REDIC1: variants seen among roughly 807,000 people sequenced by gnomAD.
The protein encoded by REDIC1 is HEI10 Interacting Protein 1.
the REDIC1 span, among the ~76,000 whole-genome samples, chr12:39,895,513 A>T: frequency 7.1e-3 from 24 of 3,396 alleles, 3 homozygotes; most frequent in African/African-American, 0.021. Context: ...AAAAAAAAAA[A>T]TTATATATAT....
the REDIC1 span, chr12:39,864,683 T>C: frequency 1.3e-6 from 2 of 1,566,730 alleles, no homozygotes; most frequent in Non-Finnish European, 1.7e-6. Flanking sequence ...TACTCATCTC[T>C]ACAACTTTAA....
At chr12:39,831,376 C>G in the REDIC1 span, among the ~76,000 whole-genome samples, 1 of 152,040 alleles carries the variant, frequency 6.6e-6, no homozygotes, top group Non-Finnish European at 1.5e-5. Flanking sequence ...AAAGATCAGT[C>G]AGCACAGACT....
the REDIC1 span, among the ~76,000 whole-genome samples, chr12:39,709,590 G>A: frequency 2.5e-3 from 370 of 150,942 alleles, 1 homozygote; most frequent in African/African-American, 8.2e-3. Context: ...GAAATCATGT[G>A]GTATTTGTCT....
the REDIC1 span, among the ~76,000 whole-genome samples, chr12:39,783,881 A>C: frequency 6.6e-6 from 1 of 152,330 alleles, no homozygotes; most frequent in East Asian, 1.9e-4. Flanking sequence ...GAAAAGTCTC[A>C]GGATACAAAA....
the REDIC1 span, among the ~76,000 whole-genome samples, chr12:39,713,177 A>G: frequency 9.3e-4 from 140 of 150,050 alleles, no homozygotes; most frequent in African/African-American, 3.0e-3. Context: ...ATATATGTGC[A>G]TATACCCATG....
At chr12:39,771,317 T>TTAAG in the REDIC1 span, among the ~76,000 whole-genome samples, 1 of 152,122 alleles carries the variant, frequency 6.6e-6, no homozygotes, top group African/African-American at 2.4e-5. Flanking sequence ...ACATATGTGA[T>TTAAG]TAAGTAAGTA....
chr12:39,775,855 G>T, the REDIC1 span, among the ~76,000 whole-genome samples: 1 of 152,168 alleles, frequency 6.6e-6, no homozygotes, highest in African/African-American at 2.4e-5. Context: ...TCAGATTTCA[G>T]ATTTTGGAAT....
At chr12:39,713,361 C>G in the REDIC1 span, among the ~76,000 whole-genome samples, 10 of 136,550 alleles carry the variant, frequency 7.3e-5, no homozygotes, top group African/African-American at 2.2e-4. Context: ...TACACATATA[C>G]GTGTATACAC....
chr12:39,655,917 T>TG, the REDIC1 span, among the ~76,000 whole-genome samples: 1 of 152,196 alleles, frequency 6.6e-6, no homozygotes, highest in African/African-American at 2.4e-5. Flanking sequence ...CATTGCATTT[T>TG]GGGGGAGAGT....
chr12:39,784,353 C>G, the REDIC1 span, among the ~76,000 whole-genome samples: 5 of 152,298 alleles, frequency 3.3e-5, no homozygotes, highest in African/African-American at 9.6e-5. Context: ...ACCAAAACAG[C>G]ATGGTACTGG....
chr12:39,672,187 G>A, the REDIC1 span, among the ~76,000 whole-genome samples: 1 of 152,158 alleles, frequency 6.6e-6, no homozygotes, highest in East Asian at 1.9e-4. Flanking sequence ...GGGGCCTCAA[G>A]CATCATGCTT....
the REDIC1 span, among the ~76,000 whole-genome samples, chr12:39,712,115 T>C: frequency 2.1e-5 from 3 of 142,682 alleles, no homozygotes; most frequent in Non-Finnish European, 4.6e-5. Context: ...TATATATACC[T>C]GTATATATAC....
At chr12:39,818,781 C>A in the REDIC1 span, among the ~76,000 whole-genome samples, 260 of 152,210 alleles carry the variant, frequency 1.7e-3, 3 homozygotes, top group African/African-American at 6.0e-3. Context: ...ATAACAACTA[C>A]AGTTTGAAGG....
the REDIC1 span, among the ~76,000 whole-genome samples, chr12:39,776,703 T>A: frequency 5.3e-5 from 8 of 149,958 alleles, no homozygotes; most frequent in African/African-American, 2.0e-4. Context: ...TAGATTTCCA[T>A]GAGGTAGGGA....
the REDIC1 span, chr12:39,716,681 A>G: frequency 9.4e-7 from 1 of 1,068,868 alleles, no homozygotes; most frequent in Non-Finnish European, 1.4e-6. Flanking sequence ...ACCAGCAGAT[A>G]TCTTCTGCCT....
the REDIC1 span, chr12:39,640,878 C>A: frequency 1.0e-6 from 1 of 980,216 alleles, no homozygotes; most frequent in Non-Finnish European, 1.6e-6. Context: ...TCTAAATCTT[C>A]AATTAAGCTA....
chr12:39,714,073 G>GTATATATATATGTACA, the REDIC1 span, among the ~76,000 whole-genome samples: 3 of 147,818 alleles, frequency 2.0e-5, no homozygotes, highest in Non-Finnish European at 3.0e-5. Flanking sequence ...GTGTATATAC[G>GTATATATATATGTACA]TGTATATACA....
chr12:39,828,298 G>A, the REDIC1 span, among the ~76,000 whole-genome samples: 1 of 151,854 alleles, frequency 6.6e-6, no homozygotes, highest in African/African-American at 2.4e-5. Flanking sequence ...ACTATTGTAA[G>A]GATATGCTGT....
the REDIC1 span, among the ~76,000 whole-genome samples, chr12:39,708,203 G>A: frequency 6.6e-6 from 1 of 151,502 alleles, no homozygotes; most frequent in South Asian, 2.1e-4. Flanking sequence ...AGTGCTTTAG[G>A]GGATGAACAC....
Sources: gnomAD v4.1 joint callset for allele counts (sites outside exome capture counted in the v4.1 genomes callset) on GRCh38, gnomAD v4.1.1 for gene constraint, MANE v1.5 for transcripts, NCBI Gene and HGNC (gene_info 2026-07-23, HGNC 2026-07-21) for gene names.